RANBP10: variants seen among roughly 807,000 people sequenced by gnomAD.
RANBP10 encodes ran-binding protein 10.
In RANBP10, 24 loss-of-function variants were observed where a neutral mutation model predicts 72.8. The observed-to-expected ratio is 0.33, with a 90% CI of 0.24 to 0.46. RANBP10 has a LOEUF of 0.46. Ranked by LOEUF, RANBP10 falls within the 20% of genes least tolerant of loss-of-function variation. RANBP10 has a pLI of 1.00. For synonymous variants in RANBP10, 310 were observed against 322.3 expected (o/e 0.96, Z 0.41); for missense variants, 679 against 817.5 (o/e 0.83, Z 2.07).
chr16:67,753,986 T>C (rs891025403), intron 3 of RANBP10, among the ~76,000 whole-genome samples: 4 of 151,838 alleles, frequency 2.6e-5, no homozygotes, highest in African/African-American at 9.7e-5. Flanking sequence ...ATACAAAAAA[T>C]TAGCCAGCGT....
At chr16:67,795,860 T>C (rs897098734) in intron 2 of RANBP10, among the ~76,000 whole-genome samples, 7 of 147,950 alleles carry the variant, frequency 4.7e-5, no homozygotes, top group African/African-American at 1.0e-4. Flanking sequence ...GTCTCAAAAA[T>C]AAACAAACAA....
In RANBP10 at chr16:67,726,317, G is replaced by A; in HGVS notation, c.*111C>T. 6.7e-7 allele frequency: 1 copy of A among 1,502,890 alleles called. No homozygotes were observed. Among genetic ancestry groups the A allele is most frequent in the Non-Finnish European group, 9.0e-7 (1 of 1,105,452 alleles). 93.1% of individuals were successfully genotyped at this position (1,502,890 alleles called of 1,614,324 possible). A position where few individuals can be genotyped will look rare whatever the true frequency, so the allele number is the denominator to read the frequency against. On this transcript the variant is annotated 3_prime_UTR_variant, in exon 14 of 14. Coordinates refer to ENST00000317506, the MANE Select transcript of RANBP10 (RefSeq NM_020850.3). ...GAGGGGGAAAGGCCAGGCAGGAGGA[G>A]TGGACTCTGTCTATGGTTTCCCAGT...
chr16:67,736,023 T>C (rs1163382825), intron 5 of RANBP10, among the ~76,000 whole-genome samples: 2 of 152,040 alleles, frequency 1.3e-5, no homozygotes, highest in African/African-American at 4.8e-5. Context: ...CTCCCTCACT[T>C]GGTGGTTCCT....
Position 67,803,832 on chromosome 16 carries a change from A to T in RANBP10, c.347+1596T>A, listed in dbSNP as rs1180638561. 1.2e-3 allele frequency among the ~76,000 whole-genome samples: 168 copies of T among 138,894 alleles called. 2 individuals are homozygous for T. The highest frequency in any genetic ancestry group is 3.7e-3 in the African/African-American group (141 of 37,874). The allele number at this position is 138,894 out of a possible 152,430, so 91.1% of individuals were successfully genotyped here. On this transcript the variant is annotated intron_variant, in intron 2 of 13. Transcript: ENST00000317506. ...GACAGAGCAAGACCCCATCTCATTA[A>T]AAAAAAAAAAAAAAAAAAAGAGAGA...
chr16:67,769,371 C>A (rs2054563131), intron 3 of RANBP10, among the ~76,000 whole-genome samples: 1 of 142,048 alleles, frequency 7.0e-6, no homozygotes, highest in Non-Finnish European at 1.5e-5. Context: ...TTGAGCCCAG[C>A]AGGTTAAGAC....
chr16:67,735,124 G>T, intron 5 of RANBP10, 82 bp from the exon 6 acceptor site: 1 of 1,344,356 alleles, frequency 7.4e-7, no homozygotes, highest in Non-Finnish European at 1.0e-6. Context: ...GGCTGCTGCT[G>T]GCCCATGCTT....
At chr16:67,744,530 A>C in intron 3 of RANBP10, 75 bp from the exon 4 acceptor site, 1 of 1,450,446 alleles carries the variant, frequency 6.9e-7, no homozygotes. Context: ...AAGCCCACCC[A>C]GGTCTCTCAG....
chr16:67,756,890 T>C (rs1234846057), intron 3 of RANBP10, among the ~76,000 whole-genome samples: 7 of 151,422 alleles, frequency 4.6e-5, no homozygotes, highest in Admixed American at 1.3e-4. Flanking sequence ...AACCTCTCTC[T>C]CGGGGATGGC....
intron 3 of RANBP10, among the ~76,000 whole-genome samples, chr16:67,748,041 G>A (rs1166831217): frequency 6.7e-6 from 1 of 149,808 alleles, no homozygotes; most frequent in Admixed American, 6.6e-5. Context: ...TAGCCAGGAT[G>A]GTCTTGATCT....
intron 3 of RANBP10, among the ~76,000 whole-genome samples, chr16:67,768,193 C>T (rs899696206): frequency 2.0e-5 from 3 of 152,004 alleles, no homozygotes; most frequent in African/African-American, 7.3e-5. Context: ...TCAAGACTAG[C>T]CTGGGCAACA....
rs1351272263 is a variant in RANBP10 at position 67,729,297 on chromosome 16, G to A, written c.1335C>T (p.Thr445=). ...GCAGGCACCTGGTCTCCTGGTTACT[G>A]GTACTGCTGTGGTGCTGGGACTTGG... The part of the protein sequence containing the change: ...DSTKSQHHSS[T]SNQETSDSEM... The change falls in exon 10 of 14, where the codon ACC becomes ACT. Residue 445 remains threonine (T), a synonymous_variant. Transcript: ENST00000317506. The surrounding 1 kb of genome is among the most constrained non-coding windows in gnomAD (Gnocchi z 7.1). The A allele has an allele frequency of 1.4e-5, 22 of 1,612,420 alleles. No individual in the cohort carries two copies. The highest frequency in any genetic ancestry group is 1.8e-5 in the Non-Finnish European group (21 of 1,179,832).
At chr16:67,787,630 G>A (rs1474598545) in intron 2 of RANBP10, among the ~76,000 whole-genome samples, 1 of 152,110 alleles carries the variant, frequency 6.6e-6, no homozygotes, top group African/African-American at 2.4e-5. Context: ...CAACCTAAGC[G>A]TCCATCAACA....
intron 2 of RANBP10, among the ~76,000 whole-genome samples, chr16:67,802,797 A>G (rs1294475878): frequency 6.6e-6 from 1 of 152,208 alleles, no homozygotes; most frequent in African/African-American, 2.4e-5. Flanking sequence ...GATCGACTAA[A>G]ACTGAAATGT....
At chr16:67,745,764 A>C (rs1428611537) in intron 3 of RANBP10, among the ~76,000 whole-genome samples, 1 of 152,172 alleles carries the variant, frequency 6.6e-6, no homozygotes, top group Non-Finnish European at 1.5e-5. Flanking sequence ...TCATGCTTGT[A>C]ATCCTAACAC....
In RANBP10 at chr16:67,723,205, C is replaced by T. The variant is rs2053556377; in HGVS notation, c.*3223G>A. ...TCCATCCTCCCACACCCACAAGTTT[C>T]ATGCTAATGCCAAGTATCAACTCTT... On this transcript the variant is annotated 3_prime_UTR_variant, in exon 14 of 14. Transcript: ENST00000317506. 6.6e-6 allele frequency: 1 copy of T among 152,630 alleles called. No individual in the cohort carries two copies. The highest frequency in any genetic ancestry group is 1.5e-5 in the Non-Finnish European group (1 of 68,034). The allele number at this position is 152,630 out of a possible 1,614,324, so 9.5% of individuals were successfully genotyped here. A position where few individuals can be genotyped will look rare whatever the true frequency, so the allele number is the denominator to read the frequency against.
intron 2 of RANBP10, among the ~76,000 whole-genome samples, chr16:67,798,982 G>A (rs561689153): frequency 1.3e-5 from 2 of 152,312 alleles, no homozygotes; most frequent in South Asian, 2.1e-4. Context: ...CTGGAGAGCA[G>A]TGGCGTGATC....
At chr16:67,756,751 G>A (rs1248627316) in intron 3 of RANBP10, among the ~76,000 whole-genome samples, 1 of 152,146 alleles carries the variant, frequency 6.6e-6, no homozygotes, top group Non-Finnish European at 1.5e-5. Context: ...AAGCTAGCCT[G>A]AGCACTGATC....
chr16:67,782,416 C>T lies in RANBP10; in HGVS notation c.348-10330G>A, dbSNP rs1181713568. Among the ~76,000 whole-genome samples, 10 of 152,074 alleles carry T rather than the reference C, an allele frequency of 6.6e-5. No homozygotes were observed. In the South Asian group the frequency reaches 1.7e-3, roughly 25 times the overall value. On this transcript the variant is annotated intron_variant, in intron 2 of 13. Transcript: ENST00000317506. ...TGCTTGGATTACAAGTGTGAGCCACCGTACCCAGCCAATTATTTTATTTTA... is the reference window on the plus strand; with the variant it reads ...TGCTTGGATTACAAGTGTGAGCCACTGTACCCAGCCAATTATTTTATTTTA...
chr16:67,743,546 A>G (rs1346575607), intron 4 of RANBP10, among the ~76,000 whole-genome samples: 4 of 152,124 alleles, frequency 2.6e-5, no homozygotes, highest in Non-Finnish European at 5.9e-5. Flanking sequence ...CAGGGATCCC[A>G]CGGGCCCCAT....
Sources: allele counts gnomAD v4.1 joint callset (sites outside exome capture counted in the v4.1 genomes callset), GRCh38; gene constraint gnomAD v4.1.1; non-coding constraint Gnocchi (gnomAD v3.1); transcripts MANE v1.5; gene names NCBI Gene and HGNC (gene_info 2026-07-23, HGNC 2026-07-21).